IFT74: variants seen among roughly 807,000 people sequenced by gnomAD.
IFT74 encodes intraflagellar transport protein 74 homolog.
A neutral mutation model predicts 96.7 loss-of-function variants in IFT74; 92 were observed. The observed-to-expected ratio is 0.95, with a 90% confidence interval of 0.80 to 1.13. IFT74 has a LOEUF of 1.13. Among genes scored for constraint, IFT74 ranks in the 50% most tolerant of loss-of-function variants. IFT74 has a pLI of 0.00. For missense variants in IFT74, 811 were observed against 698.2 expected (o/e 1.16, Z -1.82); for synonymous variants, 223 against 213.2 (o/e 1.05, Z -0.40).
At position 27,011,962 on chromosome 9, in the gene IFT74, G is replaced by A; in HGVS notation, c.783G>A (p.Leu261=). The change falls in exon 10 of 20, where the codon CTG becomes CTA. Residue 261 remains leucine (L), a synonymous_variant. Transcript: ENST00000380062. ...CACAGAACATGAAAAAAGAGAGCCT[G>A]GAAGCAGTAAGTATAAAATCAAATA... ...LDSQNMKKES[L]EAEIAHSQVK... 1 of 1,580,098 alleles carries A rather than the reference G, an allele frequency of 6.3e-7. No individual in the cohort carries two copies. The highest frequency in any genetic ancestry group is 1.8e-5 in the Admixed American group (1 of 55,540).
chr9:26,984,183 A>G, intron 4 of IFT74, 74 bp from the exon 5 acceptor site: 1 of 1,157,602 alleles, frequency 8.6e-7, no homozygotes. Flanking sequence ...GTATTAATGG[A>G]AAGTTTAAAT....
chr9:26,961,075 T>G, intron 1 of IFT74, among the ~76,000 whole-genome samples: 1 of 146,886 alleles, frequency 6.8e-6, no homozygotes, highest in East Asian at 2.0e-4. Context: ...TCAGAAGAAG[T>G]GAATCTTGTT....
rs999940432 is a variant in IFT74 at position 27,015,154 on chromosome 9, G to T, written c.790-1753G>T. On this transcript the variant is annotated intron_variant, in intron 10 of 19. Coordinates refer to ENST00000380062, the MANE Select transcript of IFT74 (RefSeq NM_025103.4). The stretch of plus-strand genomic sequence containing the variant: ...TAGGATTGTTAGGCAAAAAGGAGAC[G>T]ATACTATGAAAAAGGATAGCATAAA... Among the ~76,000 whole-genome samples the T allele has an allele frequency of 1.4e-3, 211 of 152,162 alleles. 1 individual carries two copies. Among genetic ancestry groups the T allele is most frequent in the Non-Finnish European group, 4.0e-4 (27 of 67,990 alleles).
At chr9:27,035,989 C>T (rs917155966) in intron 13 of IFT74, among the ~76,000 whole-genome samples, 3 of 152,190 alleles carry the variant, frequency 2.0e-5, no homozygotes, top group Non-Finnish European at 4.4e-5. Flanking sequence ...CTACTGTTGG[C>T]TGGAAGCCTT....
chr9:26,949,801 C>T (rs891100241), intron 1 of IFT74, among the ~76,000 whole-genome samples: 2 of 152,098 alleles, frequency 1.3e-5, no homozygotes, highest in African/African-American at 2.4e-5. Flanking sequence ...ACAGGTGTGT[C>T]AGAACTATCT....
chr9:27,011,025 T>C (rs1033045888), intron 9 of IFT74, among the ~76,000 whole-genome samples: 3 of 152,304 alleles, frequency 2.0e-5, no homozygotes, highest in Middle Eastern at 3.4e-3. Context: ...AGAAGATTTC[T>C]AAGATACTGT....
Position 27,048,254 on chromosome 9 carries a change from C to T in IFT74, c.1313C>T (p.Thr438Ile). 6.3e-7 allele frequency: 1 copy of T among 1,599,412 alleles called. No homozygotes were observed. The highest frequency in any genetic ancestry group is 1.7e-5 in the Admixed American group (1 of 58,208). The part of the protein sequence containing the change: ...KSTEVQKSQS[T>I]AQNLTSDIQR... ...ACTGAAGTGCAGAAATCACAAAGTA[C>T]AGCTCAGAATTTGACTTCAGGTGAG... Residue 438 changes from threonine to isoleucine, a missense_variant, in exon 16 of 20, where the codon ACA (threonine) becomes ATA (isoleucine). Coordinates refer to ENST00000380062, the MANE Select transcript of IFT74 (RefSeq NM_025103.4).
intron 2 of IFT74, among the ~76,000 whole-genome samples, 184 bp from the exon 3 acceptor site, chr9:26,977,944 T>C (rs1400936511): frequency 6.6e-6 from 1 of 152,222 alleles, no homozygotes; most frequent in African/African-American, 2.4e-5. Context: ...ACATTAAATG[T>C]TAAAGAAATA....
At position 27,063,802 on chromosome 9, in the gene IFT74, A is replaced by T. The variant is rs1031116090; in HGVS notation, c.*1066A>T. ...AAATATTTATAATGGTAAATTATTCAAATTCAGTCTATATACATTTAAATA... is the reference window on the plus strand; with the variant it reads ...AAATATTTATAATGGTAAATTATTCTAATTCAGTCTATATACATTTAAATA... On this transcript the variant is annotated 3_prime_UTR_variant, in exon 20 of 20. Coordinates refer to ENST00000380062, the MANE Select transcript of IFT74 (RefSeq NM_025103.4). 1.5e-4 allele frequency among the ~76,000 whole-genome samples: 23 copies of T among 152,108 alleles called. No homozygotes were observed. The highest frequency in any genetic ancestry group is 3.2e-4 in the Non-Finnish European group (22 of 67,964).
intron 8 of IFT74, among the ~76,000 whole-genome samples, chr9:27,006,905 C>G (rs1446764224): frequency 7.2e-6 from 1 of 138,326 alleles, no homozygotes; most frequent in African/African-American, 2.7e-5. Flanking sequence ...GGCGCAGTCT[C>G]GGCTCACTGC....
At chr9:27,018,520 A>ATTTTT in intron 11 of IFT74, 127 bp from the exon 12 acceptor site, 1 of 457,646 alleles carries the variant, frequency 2.2e-6, no homozygotes, top group South Asian at 5.2e-5. Flanking sequence ...AATCTAAAAA[A>ATTTTT]TAGATTTCAA....
chr9:26,961,103 G>A (rs1422571297), intron 1 of IFT74, among the ~76,000 whole-genome samples: 1 of 127,302 alleles, frequency 7.9e-6, no homozygotes, highest in Non-Finnish European at 1.7e-5. Flanking sequence ...TTTTTTTTTG[G>A]GTGGGGGGAT....
At chr9:27,062,069 C>G (rs1184440455) in intron 19 of IFT74, among the ~76,000 whole-genome samples, 1 of 152,188 alleles carries the variant, frequency 6.6e-6, no homozygotes, top group Non-Finnish European at 1.5e-5. Flanking sequence ...TGCTGAACTT[C>G]AGCTCAGAAG....
At chr9:27,024,830 T>C (rs1043224152) in intron 12 of IFT74, among the ~76,000 whole-genome samples, 11 of 151,792 alleles carry the variant, frequency 7.2e-5, no homozygotes, top group African/African-American at 2.7e-4. Context: ...AGTCACAACT[T>C]CTGGAAATGA....
rs765134016 is a variant in IFT74, at chr9:27,056,355, A to G, written c.1519A>G (p.Ile507Val). ...KIKKLHQERM[I>V]LSTHRNAFKK... ...CTAGAAATTACATCAGGAGAGAATGATATTATCAACCCACAGAAATGCCTT... is the reference window on the plus strand; with the variant it reads ...CTAGAAATTACATCAGGAGAGAATGGTATTATCAACCCACAGAAATGCCTT... The change falls in exon 18 of 20, where the codon ATA (isoleucine) becomes GTA (valine). Residue 507 changes from isoleucine (I) to valine (V), a missense_variant. Transcript: ENST00000380062. 1.3e-6 allele frequency: 2 copies of G among 1,588,564 alleles called. No individual in the cohort carries two copies. Among genetic ancestry groups the G allele is most frequent in the Admixed American group, 3.5e-5 (2 of 57,940 alleles).
At chr9:27,049,137 T>C (rs118109398) in intron 16 of IFT74, among the ~76,000 whole-genome samples, 6,131 of 152,290 alleles carry the variant, frequency 0.04, 209 homozygotes, top group South Asian at 0.13. Context: ...GTAAGCTTCC[T>C]GAGGCCCTCA....
At chr9:26,975,285 A>G (rs28871706) in intron 2 of IFT74, among the ~76,000 whole-genome samples, 2,289 of 152,058 alleles carry the variant, frequency 0.015, 46 homozygotes, top group African/African-American at 0.052. Context: ...TCTGGTTTTT[A>G]AAGGGTAAAG....
intron 2 of IFT74, among the ~76,000 whole-genome samples, chr9:26,972,753 A>C (rs1826933468): frequency 6.6e-6 from 1 of 152,212 alleles, no homozygotes; most frequent in Non-Finnish European, 1.5e-5. Context: ...CAATTCACTC[A>C]ATCCATTCGG....
chr9:26,996,421 T>C (rs1169398859), intron 8 of IFT74: 2 of 1,609,466 alleles, frequency 1.2e-6, no homozygotes, highest in South Asian at 1.1e-5. Flanking sequence ...TGAGTGGCAT[T>C]CAGCCTTATG....
Sources: allele counts gnomAD v4.1 joint callset (sites outside exome capture counted in the v4.1 genomes callset), GRCh38; gene constraint gnomAD v4.1.1; transcripts MANE v1.5; gene names NCBI Gene and HGNC (gene_info 2026-07-23, HGNC 2026-07-21).